RPTOR: variants seen among roughly 807,000 people sequenced by gnomAD.
RPTOR encodes regulatory-associated protein of mTOR.
RPTOR carries 21 observed loss-of-function variants against 169.9 expected under a neutral mutation model. The observed-to-expected ratio is 0.12, with a 90% CI of 0.09 to 0.18. The LOEUF is 0.18. Ranked by LOEUF, RPTOR falls within the 10% of genes least tolerant of loss-of-function variation. RPTOR has a pLI of 1.00. For synonymous variants in RPTOR, 732 were observed against 753.2 expected, an observed-to-expected ratio of 0.97 and a Z score of 0.46; for missense variants, 1,133 against 1,855.9, an observed-to-expected ratio of 0.61 and a Z score of 7.16.
chr17:80,924,009 C>T (rs1312930450), intron 23 of RPTOR: 4 of 363,456 alleles, frequency 1.1e-5, no homozygotes, highest in Non-Finnish European at 2.0e-5. Flanking sequence ...AACAGGAGCA[C>T]GGAGTTACCT....
rs545022497 is a variant in RPTOR, at chr17:80,709,059, G to A, written c.507+1060G>A. On this transcript the variant is annotated intron_variant, in intron 4 of 33. Transcript: ENST00000306801. ...AGTGTGGGCCCAGAGCAGAGACCTC[G>A]AGGAAGGCTTCTGACCCTGGACACT... 144 of 985,424 alleles carry A rather than the reference G, an allele frequency of 1.5e-4. No homozygotes were observed. In the African/African-American group the frequency reaches 1.6e-3, roughly 11 times the overall value. The allele number at this position is 985,424 out of a possible 1,614,324, so 61.0% of individuals were successfully genotyped here.
intron 4 of RPTOR, among the ~76,000 whole-genome samples, chr17:80,724,132 A>G (rs1283791913): frequency 1.3e-5 from 2 of 151,352 alleles, no homozygotes; most frequent in African/African-American, 4.9e-5. Context: ...ACAGCATTTG[A>G]CTTGGCAAGC....
intron 2 of RPTOR, among the ~76,000 whole-genome samples, chr17:80,630,175 C>T (rs2065431387): frequency 6.6e-6 from 1 of 152,218 alleles, no homozygotes; most frequent in Admixed American, 6.5e-5. Context: ...GTCTGAGTCT[C>T]CTAATTCCTT....
chr17:80,849,543 G>A (rs1405473909), intron 11 of RPTOR, among the ~76,000 whole-genome samples: 1 of 152,074 alleles, frequency 6.6e-6, no homozygotes, highest in East Asian at 1.9e-4. Flanking sequence ...TTTTTGAGAT[G>A]GAGTCTCACT....
Position 80,730,445 on chromosome 17 carries a change from G to C in RPTOR, c.508-115G>C. 8.5e-7 allele frequency: 1 copy of C among 1,178,664 alleles called. No homozygotes were observed. 73.0% of individuals were successfully genotyped at this position (1,178,664 alleles called of 1,614,324 possible). ...ATAGTTTTGTATAAAGGCTAACTCA[G>C]CGTCTCTCCAGCCACCAGGCTCAAT... On this transcript the variant is annotated intron_variant, in intron 4 of 33. Coordinates refer to ENST00000306801, the MANE Select transcript of RPTOR (RefSeq NM_020761.3). The surrounding 1 kb of genome is among the most constrained non-coding windows in gnomAD (Gnocchi z 4.2).
intron 3 of RPTOR, among the ~76,000 whole-genome samples, chr17:80,667,999 C>A: frequency 6.6e-6 from 1 of 152,148 alleles, no homozygotes; most frequent in East Asian, 1.9e-4. Context: ...TCTGGAACCA[C>A]AGGGGGTTTA....
intron 21 of RPTOR, among the ~76,000 whole-genome samples, chr17:80,915,949 G>T (rs192755861): frequency 6.6e-5 from 10 of 152,316 alleles, no homozygotes; most frequent in African/African-American, 2.4e-4. Flanking sequence ...ACACTTATCA[G>T]GACAGTCTGC....
intron 9 of RPTOR, among the ~76,000 whole-genome samples, chr17:80,834,793 C>G (rs925911668): frequency 6.6e-6 from 1 of 152,190 alleles, no homozygotes; most frequent in African/African-American, 2.4e-5. Flanking sequence ...TCCAAAGGCG[C>G]CTTGCCCAGC....
chr17:80,555,978 A>T (rs1369121794), intron 1 of RPTOR, among the ~76,000 whole-genome samples: 3 of 150,396 alleles, frequency 2.0e-5, no homozygotes, highest in Admixed American at 2.0e-4. Context: ...CACATTTGTA[A>T]TTCCAGCACT....
chr17:80,772,178 G>A (rs1231906657), intron 6 of RPTOR, among the ~76,000 whole-genome samples: 3 of 152,178 alleles, frequency 2.0e-5, no homozygotes, highest in Non-Finnish European at 4.4e-5. Flanking sequence ...GGACCACACA[G>A]GCCAGAGTCG....
At chr17:80,862,946 T>C (rs905645989) in intron 13 of RPTOR, among the ~76,000 whole-genome samples, 1 of 152,074 alleles carries the variant, frequency 6.6e-6, no homozygotes, top group South Asian at 2.1e-4. Flanking sequence ...ACTTAAGAGT[T>C]TGAGAAGGAT....
chr17:80,557,989 T>G (rs1397931292), intron 1 of RPTOR, among the ~76,000 whole-genome samples: 3 of 151,414 alleles, frequency 2.0e-5, no homozygotes, highest in African/African-American at 2.4e-5. Flanking sequence ...ATATTTGGCA[T>G]TGCAAATCAA....
chr17:80,666,748 G>A (rs4889874), intron 3 of RPTOR, among the ~76,000 whole-genome samples: 102,510 of 152,062 alleles, frequency 0.67, 37,591 homozygotes, highest in East Asian at 0.99. Flanking sequence ...GCAGAGCCTC[G>A]TGGGGAGATG....
chr17:80,889,183 G>A (rs550317642), intron 17 of RPTOR, among the ~76,000 whole-genome samples: 20 of 152,368 alleles, frequency 1.3e-4, no homozygotes, highest in East Asian at 3.9e-4. Context: ...GAGAGGGTAC[G>A]AGAAAAGAAG....
intron 4 of RPTOR, among the ~76,000 whole-genome samples, chr17:80,718,105 A>G (rs989645530): frequency 2.0e-5 from 3 of 152,206 alleles, no homozygotes; most frequent in African/African-American, 7.2e-5. Flanking sequence ...CCTAGGCACA[A>G]AGCTACAAGG....
At chr17:80,701,284 G>T (rs1344460677) in intron 3 of RPTOR, among the ~76,000 whole-genome samples, 3 of 152,194 alleles carry the variant, frequency 2.0e-5, no homozygotes, top group Non-Finnish European at 2.9e-5. Flanking sequence ...AAGGGCACAG[G>T]TTATATATTC....
At chr17:80,857,104 C>G (rs994057973) in intron 12 of RPTOR, among the ~76,000 whole-genome samples, 1 of 152,218 alleles carries the variant, frequency 6.6e-6, no homozygotes, top group African/African-American at 2.4e-5. Context: ...CAGCAGAAAC[C>G]CCTGGCTGTG....
intron 7 of RPTOR, among the ~76,000 whole-genome samples, chr17:80,813,707 A>C (rs2067295626): frequency 1.3e-5 from 2 of 152,210 alleles, no homozygotes; most frequent in South Asian, 4.1e-4. Flanking sequence ...CTTTGTAAGT[A>C]ATTAATTATT....
At chr17:80,900,621 T>C (rs1031110483) in intron 20 of RPTOR, among the ~76,000 whole-genome samples, 2 of 152,222 alleles carry the variant, frequency 1.3e-5, no homozygotes, top group African/African-American at 2.4e-5. Context: ...CGACTGGCCT[T>C]CTTCTTTCAC....
Sources: gnomAD v4.1 joint callset for allele counts (sites outside exome capture counted in the v4.1 genomes callset) on GRCh38, gnomAD v4.1.1 for gene constraint, Gnocchi (gnomAD v3.1) non-coding constraint, MANE v1.5 for transcripts, NCBI Gene and HGNC (gene_info 2026-07-23, HGNC 2026-07-21) for gene names.